Variants in CPXM2 observed in about 807,000 individuals in gnomAD.
CPXM2 encodes inactive carboxypeptidase-like protein X2.
CPXM2 carries 66 observed loss-of-function variants against 86.1 expected under a neutral mutation model. That is an observed-to-expected ratio of 0.77 (90% CI 0.63 to 0.94). The LOEUF is 0.94. Ranked by LOEUF, CPXM2 falls within the 40% of genes least tolerant of loss-of-function variation. The pLI is 0.00. For synonymous variants in CPXM2, 388 were observed against 400.2 expected, an observed-to-expected ratio of 0.97 and a Z score of 0.36; for missense variants, 948 against 1,026.3, an observed-to-expected ratio of 0.92 and a Z score of 1.04.
chr10:123,886,213 G>A (rs1186757483), intron 1 of CPXM2, among the ~76,000 whole-genome samples: 1 of 152,138 alleles, frequency 6.6e-6, no homozygotes, highest in African/African-American at 2.4e-5. Flanking sequence ...AATTGTTTAG[G>A]TATGCTAATA....
At chr10:123,753,130 A>AC (rs373730820) in intron 13 of CPXM2, among the ~76,000 whole-genome samples, 17 of 151,490 alleles carry the variant, frequency 1.1e-4, no homozygotes, top group African/African-American at 3.4e-4. Context: ...GAACCCAGAG[A>AC]CCCCCCGGGG....
At chr10:123,943,502 CGAGGTA>C (rs1485859796), upstream of CPXM2, among the ~76,000 whole-genome samples, 3 of 152,176 alleles carry the variant, frequency 2.0e-5, no homozygotes, top group Non-Finnish European at 4.4e-5. Context: ...GTGAGCAGCA[CGAGGTA>C]GATCCTCCAG....
chr10:123,901,286 C>T (rs1478187456), intron 2 of CPXM2, among the ~76,000 whole-genome samples: 3 of 152,176 alleles, frequency 2.0e-5, no homozygotes, highest in South Asian at 2.1e-4. Flanking sequence ...GCTTTGGCAT[C>T]GTTCCTTCAC....
chr10:123,894,107 A>G (rs1229589842), upstream of CPXM2, among the ~76,000 whole-genome samples: 1 of 152,228 alleles, frequency 6.6e-6, no homozygotes, highest in Admixed American at 6.5e-5. Flanking sequence ...ACCTGAGGAC[A>G]CACAGCAAGC....
chr10:123,928,380 A>G (rs1281345131), intron 2 of CPXM2, among the ~76,000 whole-genome samples: 2 of 152,196 alleles, frequency 1.3e-5, no homozygotes, highest in East Asian at 3.8e-4. Flanking sequence ...AAAATTGGTG[A>G]ATTTTATTCT....
intron 2 of CPXM2, among the ~76,000 whole-genome samples, chr10:123,871,947 G>T (rs1242724488): frequency 6.6e-6 from 1 of 152,126 alleles, no homozygotes; most frequent in African/African-American, 2.4e-5. Flanking sequence ...TATCCTAATG[G>T]TAAGTAAGCA....
At chr10:123,799,091 G>A (rs778014331) in intron 5 of CPXM2, 24 bp downstream of exon 5, 22 of 1,613,142 alleles carry the variant, frequency 1.4e-5, no homozygotes, top group Non-Finnish European at 1.9e-5. Context: ...AGAAAGGCAT[G>A]GTTAAATGGA....
chr10:123,771,172 G>T, intron 7 of CPXM2, 133 bp from the exon 8 acceptor site: 2 of 753,056 alleles, frequency 2.7e-6, no homozygotes, highest in Non-Finnish European at 4.5e-6. Flanking sequence ...GCACACCCCA[G>T]CTGCTATCGC....
intron 2 of CPXM2, among the ~76,000 whole-genome samples, chr10:123,926,249 A>G (rs1945621067): frequency 6.6e-6 from 1 of 152,214 alleles, no homozygotes; most frequent in African/African-American, 2.4e-5. Context: ...TACCATGGAA[A>G]TGGTTTCCTC....
At chr10:123,911,327 CCAGGGGA>C (rs1211384069) in intron 2 of CPXM2, among the ~76,000 whole-genome samples, 4 of 152,052 alleles carry the variant, frequency 2.6e-5, no homozygotes, top group Non-Finnish European at 5.9e-5. Flanking sequence ...AACTGATGGT[CCAGGGGA>C]CAGGTCCCCC....
intron 2 of CPXM2, 66 bp downstream of exon 2, chr10:123,880,145 T>TTGGGGCCCC: frequency 7.4e-6 from 3 of 407,580 alleles, no homozygotes; most frequent in East Asian, 4.9e-5. Flanking sequence ...CAGGGGCCTG[T>TTGGGGCCCC]ACCCACCCAC....
chr10:123,761,875 C>T lies in CPXM2; in HGVS notation c.1774G>A (p.Gly592Arg), dbSNP rs750771582. 6.8e-6 allele frequency: 11 copies of T among 1,612,676 alleles called. No individual in the cohort carries two copies. The part of the protein sequence containing the change: ...VNGASWHTVA[G>R]SLNDFSYLHT... ...TCTCCCCCAGAGGGAGGCTTACTTC[C>T]AGCGACGGTGTGCCAGGAGGCCCCA... Residue 592 changes from glycine to arginine, a missense_variant, in exon 11 of 14, where the codon GGA (glycine) becomes AGA (arginine). Transcript: ENST00000241305.
intron 4 of CPXM2, among the ~76,000 whole-genome samples, chr10:123,832,048 T>C (rs1040458315): frequency 7.9e-5 from 12 of 152,032 alleles, no homozygotes; most frequent in Middle Eastern, 3.4e-3. Flanking sequence ...CATGGGCCCC[T>C]TCCTCCAAAA....
At chr10:123,882,016 C>T (rs1388090538) in intron 1 of CPXM2, among the ~76,000 whole-genome samples, 1 of 152,176 alleles carries the variant, frequency 6.6e-6, no homozygotes, top group African/African-American at 2.4e-5. Context: ...CTTTAAAAGC[C>T]AGTTGAAATA....
intron 4 of CPXM2, among the ~76,000 whole-genome samples, chr10:123,824,135 C>A (rs1590039344): frequency 6.6e-6 from 1 of 152,208 alleles, no homozygotes; most frequent in Middle Eastern, 3.4e-3. Flanking sequence ...CTTAAGAGTT[C>A]ATATTTTACT....
intron 2 of CPXM2, among the ~76,000 whole-genome samples, chr10:123,908,852 A>G (rs1011073): frequency 0.58 from 88,712 of 151,906 alleles, 26,396 homozygotes; most frequent in African/African-American, 0.64. Context: ...TAAATGTACA[A>G]TCTATAAATC....
At chr10:123,938,710 G>A (rs886560792) in intron 2 of CPXM2, among the ~76,000 whole-genome samples, 15 of 152,266 alleles carry the variant, frequency 9.9e-5, no homozygotes, top group East Asian at 1.9e-4. Flanking sequence ...AGCGTCTACC[G>A]CAGCCATCTT....
upstream of CPXM2, among the ~76,000 whole-genome samples, chr10:123,892,385 C>T (rs3862127): frequency 6.6e-6 from 1 of 151,426 alleles, no homozygotes; most frequent in Non-Finnish European, 1.5e-5. Context: ...AGTGACGTTA[C>T]CCCAAGGTGG....
chr10:123,795,190 C>G (rs138296536), intron 6 of CPXM2, among the ~76,000 whole-genome samples: 108 of 152,286 alleles, frequency 7.1e-4, no homozygotes, highest in African/African-American at 2.6e-3. Flanking sequence ...CCAGCCATCT[C>G]CAGAATGTTT....
Sources: allele counts gnomAD v4.1 joint callset (sites outside exome capture counted in the v4.1 genomes callset), GRCh38; gene constraint gnomAD v4.1.1; transcripts MANE v1.5; gene names NCBI Gene and HGNC (gene_info 2026-07-23, HGNC 2026-07-21).